The following FBLIM1 variants were observed in gnomAD, a reference collection of about 807,000 sequenced individuals.
FBLIM1 encodes the protein filamin-binding LIM protein 1.
FBLIM1 carries 29 observed loss-of-function variants against 37.4 expected under a neutral mutation model. The ratio of observed to expected loss-of-function variants is 0.77; its 90% CI spans 0.58 to 1.06. The LOEUF is 1.06. Among genes scored for constraint, FBLIM1 ranks in the 50% least tolerant of loss-of-function variants. The pLI is 0.00. For synonymous variants in FBLIM1, 193 were observed against 199.0 expected (o/e 0.97, Z 0.25); for missense variants, 449 against 505.6 (o/e 0.89, Z 1.07).
intron 7 of FBLIM1, 53 bp downstream of exon 7, chr1:15,774,849 A>G: frequency 1.2e-6 from 2 of 1,613,780 alleles, no homozygotes; most frequent in Non-Finnish European, 1.7e-6. Context: ...GCGAGACCCA[A>G]GCAGGGTGAA....
At chr1:15,784,300 G>A (rs1427869840) in intron 8 of FBLIM1, among the ~76,000 whole-genome samples, 2 of 152,288 alleles carry the variant, frequency 1.3e-5, no homozygotes, top group East Asian at 1.9e-4. Context: ...TTCTCCTGAC[G>A]GTGAATGTCT....
At chr1:15,775,534 C>CA (rs1161761535) in intron 7 of FBLIM1, among the ~76,000 whole-genome samples, 2,502 of 84,120 alleles carry the variant, frequency 0.03, 73 homozygotes, top group African/African-American at 0.088. Flanking sequence ...GACTCTGTCT[C>CA]AAAAAAAAAA....
Position 15,766,276 on chromosome 1 carries a change from TTG to T in FBLIM1, c.250+1057_250+1058del, listed in dbSNP as rs1177449319. 5.3e-5 allele frequency among the ~76,000 whole-genome samples: 8 copies of T among 151,268 alleles called. No individual in the cohort carries two copies. The South Asian group carries it at 1.0e-3, about 20-fold the overall frequency. On this transcript the variant is annotated intron_variant, in intron 3 of 8. Coordinates refer to ENST00000375766, the MANE Select transcript of FBLIM1 (RefSeq NM_017556.4). Reference sequence around the variant, plus strand: ...GCTCTCACCACCAGGCCCAGCTAATTTGTGTGTGTGTGTGTATGTGTGTGTGT... The same window carrying T: ...GCTCTCACCACCAGGCCCAGCTAATTTGTGTGTGTGTGTATGTGTGTGTGT...
In FBLIM1 at chr1:15,766,596, C is replaced by A. The variant is rs188116580; in HGVS notation, c.251-780C>A. 1.1e-4 allele frequency among the ~76,000 whole-genome samples: 16 copies of A among 148,114 alleles called. No homozygotes were observed. The East Asian group carries it at 3.0e-3, about 28-fold the overall frequency. ...ACAGGCGTGAGCCACCGCGCCCAGC[C>A]TAATTTTTTTTTTTTTAGATGGAGT... On this transcript the variant is annotated intron_variant, in intron 3 of 8. Transcript: ENST00000375766.
At chr1:15,764,263 T>G (rs895578331) in intron 1 of FBLIM1, among the ~76,000 whole-genome samples, 4 of 152,174 alleles carry the variant, frequency 2.6e-5, no homozygotes, top group African/African-American at 9.7e-5. Context: ...GAGTCTCGAT[T>G]TCTTGATGTG....
rs150817626 is a variant in FBLIM1 at position 15,774,785 on chromosome 1, C to T, written c.879C>T (p.Asp293=). The T allele has an allele frequency of 1.4e-4, 232 of 1,613,998 alleles. 1 individual carries two copies. The highest frequency in any genetic ancestry group is 2.7e-4 in the Admixed American group (16 of 59,982). ...LGSQNEVYCL[D]DFYRKFAPVC... ...GCCAGAACGAGGTGTACTGCCTGGA[C>T]GACTTCTACAGGTACGAGAAGGGTT... Residue 293 remains aspartate, a synonymous_variant, in exon 7 of 9, where the codon GAC becomes GAT. Transcript: ENST00000375766.
chr1:15,779,630 G>A (rs2069585478), intron 8 of FBLIM1, among the ~76,000 whole-genome samples: 1 of 152,128 alleles, frequency 6.6e-6, no homozygotes, highest in Non-Finnish European at 1.5e-5. Flanking sequence ...GATGTGACTG[G>A]AGTGTAGAGG....
chr1:15,769,471 C>T (rs1238607974), intron 5 of FBLIM1, among the ~76,000 whole-genome samples: 5 of 149,730 alleles, frequency 3.3e-5, no homozygotes, highest in Non-Finnish European at 5.9e-5. Context: ...AGTGAGCTTC[C>T]GTCTCAAAAA....
At chr1:15,764,743 C>G (rs985528104) in intron 2 of FBLIM1, 58 bp downstream of exon 2, 1 of 572,978 alleles carries the variant, frequency 1.7e-6, no homozygotes, top group Non-Finnish European at 3.0e-6. Flanking sequence ...GCAGTCAGGA[C>G]TTTTGGGTCT....
intron 7 of FBLIM1, among the ~76,000 whole-genome samples, chr1:15,775,564 A>G (rs576923178): frequency 6.6e-6 from 1 of 151,746 alleles, no homozygotes; most frequent in South Asian, 2.1e-4. Context: ...AGGATATTAC[A>G]GCGATACAGA....
At chr1:15,772,551 T>C (rs2069271140) in intron 6 of FBLIM1, among the ~76,000 whole-genome samples, 1 of 152,128 alleles carries the variant, frequency 6.6e-6, no homozygotes, top group African/African-American at 2.4e-5. Flanking sequence ...AGAGACAGCA[T>C]GTCCAGGAGA....
chr1:15,770,402 AC>A lies in FBLIM1; in HGVS notation c.542-3del. The stretch of plus-strand genomic sequence containing the variant: ...GCTGGTGATGGCCTGTGTCTCCCCT[AC>A]CCCAGACATCTGTGCCTTCTGCCAC... On this transcript the variant is annotated splice_region_variant and splice_polypyrimidine_tract_variant and intron_variant, in intron 5 of 8. Coordinates refer to ENST00000375766, the MANE Select transcript of FBLIM1 (RefSeq NM_017556.4). 1 of 1,610,736 alleles carries A rather than the reference AC, an allele frequency of 6.2e-7. No homozygotes were observed.
chr1:15,757,232 G>C (rs1354054134), upstream of FBLIM1, among the ~76,000 whole-genome samples: 1 of 152,194 alleles, frequency 6.6e-6, no homozygotes, highest in Non-Finnish European at 1.5e-5. This position sits in a 1 kb window ranked among gnomAD's most constrained non-coding sequence, Gnocchi z 4.1. Context: ...TTCTGTAAAG[G>C]ATGGCACTGG....
intron 1 of FBLIM1, among the ~76,000 whole-genome samples, chr1:15,760,530 A>AG (rs1249658471): frequency 6.9e-5 from 2 of 28,830 alleles, no homozygotes; most frequent in African/African-American, 2.2e-4. Flanking sequence ...ATTCTGTCTC[A>AG]GAAAAAAAAA....
chr1:15,760,249 G>A (rs1233198523), intron 1 of FBLIM1, among the ~76,000 whole-genome samples: 2 of 151,476 alleles, frequency 1.3e-5, no homozygotes, highest in Non-Finnish European at 2.9e-5. Context: ...CAAAGCTTAA[G>A]CCGGGTGTAG....
At chr1:15,759,171 G>T (rs1557680892) in intron 1 of FBLIM1, among the ~76,000 whole-genome samples, 1 of 152,164 alleles carries the variant, frequency 6.6e-6, no homozygotes, top group Non-Finnish European at 1.5e-5. Context: ...CAAAAGGCCG[G>T]AGTCCCGCAC....
chr1:15,784,501 C>T, intron 8 of FBLIM1, 47 bp from the exon 9 acceptor site: 1 of 1,480,414 alleles, frequency 6.8e-7, no homozygotes. Flanking sequence ...CCTGTGCAGG[C>T]AGCGCCCAGG....
intron 7 of FBLIM1, chr1:15,776,866 C>CAAAA (rs36071270): frequency 1.0e-4 from 7 of 68,790 alleles, no homozygotes; most frequent in African/African-American, 3.6e-4. Flanking sequence ...AACTCCATCT[C>CAAAA]AAAAAAAAAA....
At chr1:15,774,282 C>A (rs1281674170) in intron 6 of FBLIM1, among the ~76,000 whole-genome samples, 2 of 152,140 alleles carry the variant, frequency 1.3e-5, no homozygotes, top group South Asian at 2.1e-4. Context: ...GCACCCAATT[C>A]TCCTGAGAAT....
Sources: gnomAD v4.1 joint callset for allele counts (sites outside exome capture counted in the v4.1 genomes callset) on GRCh38, gnomAD v4.1.1 for gene constraint, Gnocchi (gnomAD v3.1) non-coding constraint, MANE v1.5 for transcripts, NCBI Gene and HGNC (gene_info 2026-07-23, HGNC 2026-07-21) for gene names.